KCNC3: variants seen among roughly 807,000 people sequenced by gnomAD.
The protein encoded by KCNC3 is voltage-gated potassium channel KCNC3.
In KCNC3, 22 loss-of-function variants were observed where a neutral mutation model predicts 43.9. The ratio of observed to expected loss-of-function variants is 0.50; its 90% CI spans 0.36 to 0.72. KCNC3 has a LOEUF of 0.72. KCNC3 is among the 30% of genes least tolerant of loss of function. The pLI is 0.00. For missense variants in KCNC3, 829 were observed against 1,073.8 expected, an observed-to-expected ratio of 0.77 and a Z score of 3.19; for synonymous variants, 492 against 488.0, an observed-to-expected ratio of 1.01 and a Z score of -0.11.
Position 50,323,201 on chromosome 19 carries a change from CG to C in KCNC3, c.1751del (p.Pro584ArgfsTer24), listed in dbSNP as rs2037057811. On this transcript the variant is annotated frameshift_variant, in exon 2 of 5. Coordinates refer to ENST00000477616, the MANE Select transcript of KCNC3 (RefSeq NM_004977.3). LOFTEE classifies it high-confidence loss of function. ...YCKPDPPPPP[P>X]PHPHHGSGGI... ...CCCCGCTGCCGTGGTGCGGGTGGGGCGGGGGTGGCGGGGGTGGGTCAGGCTT... is the reference window on the plus strand; with the variant it reads ...CCCCGCTGCCGTGGTGCGGGTGGGGCGGGGTGGCGGGGGTGGGTCAGGCTT... 7.5e-6 allele frequency: 7 copies of C among 938,712 alleles called. No individual in the cohort carries two copies. The East Asian group carries it at 1.9e-4, about 26-fold the overall frequency. The allele number at this position is 938,712 out of a possible 1,614,324, so 58.1% of individuals were successfully genotyped here. A position where few individuals can be genotyped will look rare whatever the true frequency, so the allele number is the denominator to read the frequency against.
chr19:50,320,733 C>T lies in KCNC3; in HGVS notation c.2030G>A (p.Cys677Tyr). The T allele has an allele frequency of 6.2e-7, 1 of 1,613,926 alleles. No individual in the cohort carries two copies. Among genetic ancestry groups the T allele is most frequent in the Non-Finnish European group, 8.5e-7 (1 of 1,179,958 alleles). The change falls in exon 3 of 5, where the codon TGC becomes TAC. Residue 677 changes from cysteine to tyrosine, a missense_variant. Physicochemically the swap from Cys to Tyr is radical, Grantham distance 194 (BLOSUM62 -2). Transcript: ENST00000477616. ...CATGGCAGGCTGGTCAATGGCTGGGCAGTCCTCGTGGGCAAGCGCAGCTGC... is the reference window on the plus strand; with the variant it reads ...CATGGCAGGCTGGTCAATGGCTGGGTAGTCCTCGTGGGCAAGCGCAGCTGC... ...PAAAALAHED[C>Y]PAIDQPAMSP...
At chr19:50,322,869 A>G in intron 2 of KCNC3, 106 bp downstream of exon 2, 1 of 1,203,288 alleles carries the variant, frequency 8.3e-7, no homozygotes. Context: ...TTTCTCCCTC[A>G]CCTCTTCGAC....
In KCNC3 at chr19:50,315,354, C is replaced by CA. The variant is rs1485043720; in HGVS notation, c.*760dup. 5.3e-5 allele frequency among the ~76,000 whole-genome samples: 8 copies of CA among 151,832 alleles called. No individual in the cohort carries two copies. The highest frequency in any genetic ancestry group is 1.7e-4 in the African/African-American group (7 of 41,326). Reference sequence around the variant, plus strand: ...CACCGAGCCTCCCCCGCCCCATTCCCACCACAGTCCACCGCCCTTCCCCCC... The same window carrying CA: ...CACCGAGCCTCCCCCGCCCCATTCCCAACCACAGTCCACCGCCCTTCCCCCC... On this transcript the variant is annotated 3_prime_UTR_variant, in exon 5 of 5. Transcript: ENST00000477616.
rs2037140787 is a variant in KCNC3, at chr19:50,328,827, CGCCACCGCCGCCGCCGTGCCGCCCCATG to C, written c.228_255del (p.Met77ThrfsTer6). ...ACGTTGATCACGATCTTGCCGCTGT[CGCCACCGCCGCCGCCGTGCCGCCCCATG>C]GCCGCCGCCGGCAGCCCGGGGCATG... On this transcript the variant is annotated frameshift_variant, in exon 1 of 5. Transcript: ENST00000477616. LOFTEE classifies it high-confidence loss of function. 1 of 1,495,038 alleles carries C rather than the reference CGCCACCGCCGCCGCCGTGCCGCCCCATG, an allele frequency of 6.7e-7. No homozygotes were observed. 92.6% of individuals were successfully genotyped at this position (1,495,038 alleles called of 1,614,324 possible).
Position 50,313,156 on chromosome 19 carries a change from A to T in KCNC3, c.*2959T>A, listed in dbSNP as rs1189530045. 1 of 151,900 alleles carries T rather than the reference A, an allele frequency of 6.6e-6. No homozygotes were observed. The highest frequency in any genetic ancestry group is 1.9e-4 in the East Asian group (1 of 5,152). The allele number at this position is 151,900 out of a possible 1,614,324, so 9.4% of individuals were successfully genotyped here. A position where few individuals can be genotyped will look rare whatever the true frequency, so the allele number is the denominator to read the frequency against. ...GCTTGGGGGAGGTAGCGCATCCTTGAGCCAGGATAGGAGGTGGGAAATGAT... is the reference window on the plus strand; with the variant it reads ...GCTTGGGGGAGGTAGCGCATCCTTGTGCCAGGATAGGAGGTGGGAAATGAT... On this transcript the variant is annotated 3_prime_UTR_variant, in exon 5 of 5. Coordinates refer to ENST00000477616, the MANE Select transcript of KCNC3 (RefSeq NM_004977.3).
At chr19:50,329,515 C>A (rs2037157780), upstream of KCNC3, 1 of 150,540 alleles carries the variant, frequency 6.6e-6, no homozygotes, top group Non-Finnish European at 1.5e-5. Context: ...TTTAAAGACG[C>A]CCGACTGGCC....
At chr19:50,316,615 A>G (rs956119927) in intron 4 of KCNC3, among the ~76,000 whole-genome samples, 2 of 152,152 alleles carry the variant, frequency 1.3e-5, no homozygotes, top group South Asian at 2.1e-4. Flanking sequence ...AGGCACCTGT[A>G]ATTCCAGCTA....
intron 2 of KCNC3, among the ~76,000 whole-genome samples, chr19:50,321,517 C>T (rs2037033748): frequency 6.6e-6 from 1 of 152,108 alleles, no homozygotes; most frequent in Admixed American, 6.6e-5. Flanking sequence ...CGCCTGTAAT[C>T]CCAGCACTTT....
chr19:50,315,824 G>T lies in KCNC3; in HGVS notation c.*291C>A. ...GCATCTCACAGCTAATGGGACTCAA[G>T]ATCCAGCAACAGTGTGTGTGGTTTC... is the stretch of plus-strand genomic sequence containing the variant. On this transcript the variant is annotated 3_prime_UTR_variant, in exon 5 of 5. Coordinates refer to ENST00000477616, the MANE Select transcript of KCNC3 (RefSeq NM_004977.3). 1 of 257,590 alleles carries T rather than the reference G, an allele frequency of 3.9e-6. No individual in the cohort carries two copies. The highest frequency in any genetic ancestry group is 7.8e-6 in the Non-Finnish European group (1 of 128,596). The allele number at this position is 257,590 out of a possible 1,614,324, so 16.0% of individuals were successfully genotyped here.
Position 50,328,942 on chromosome 19 carries a change from G to T in KCNC3, c.141C>A (p.Gly47=). The change falls in exon 1 of 5, where the codon GGC becomes GGA. Residue 47 remains glycine (G), a synonymous_variant. Coordinates refer to ENST00000477616, the MANE Select transcript of KCNC3 (RefSeq NM_004977.3). ...GGGGGCCCGCCGGGGACGCGGCGGG[G>T]CCGGGCTGCGCAGGCTGCTGCTGCT... ...PPQQQQPAQP[G]PAASPAGPPA... is the part of the protein sequence containing the mutation. The T allele has an allele frequency of 1.2e-6, 1 of 832,008 alleles. No homozygotes were observed. The highest frequency in any genetic ancestry group is 1.5e-6 in the Non-Finnish European group (1 of 687,958). The allele number at this position is 832,008 out of a possible 1,614,324, so 51.5% of individuals were successfully genotyped here.
chr19:50,321,668 G>A (rs1213953955), intron 2 of KCNC3, among the ~76,000 whole-genome samples: 1 of 152,140 alleles, frequency 6.6e-6, no homozygotes, highest in African/African-American at 2.4e-5. Flanking sequence ...TACTCCGGAG[G>A]CTGAGGTAGG....
chr19:50,331,297 TTCTC>T (rs1465295900), upstream of KCNC3, among the ~76,000 whole-genome samples: 1 of 111,920 alleles, frequency 8.9e-6, no homozygotes, highest in Admixed American at 8.7e-5. Context: ...CCGAGTCTCT[TTCTC>T]TTGGTTTCTG....
At position 50,320,602 on chromosome 19, in the gene KCNC3, T is replaced by G; in HGVS notation, c.2161A>C (p.Ile721Leu). The part of the protein sequence containing the change: ...TDYAPSPDGS[I>L]RKATGAPPLP... The stretch of plus-strand genomic sequence containing the variant: ...AGGGGGGGCACCTCACCTTTTCGGA[T>G]GGAGCCATCAGGGGAAGGGGCATAG... The change falls in exon 3 of 5, where the codon ATC becomes CTC. Residue 721 changes from isoleucine to leucine, a missense_variant. This residue lies in a region of KCNC3 where 308 missense variants were observed against 276.2 expected (regional missense o/e 1.11). Coordinates refer to ENST00000477616, the MANE Select transcript of KCNC3 (RefSeq NM_004977.3). 1 of 1,611,592 alleles carries G rather than the reference T, an allele frequency of 6.2e-7. No homozygotes were observed. Among genetic ancestry groups the G allele is most frequent in the Non-Finnish European group, 8.5e-7 (1 of 1,179,494 alleles).
chr19:50,328,320 C>A lies in KCNC3; in HGVS notation c.763G>T (p.Gly255Trp). 8.8e-7 allele frequency: 1 copy of A among 1,131,508 alleles called. No homozygotes were observed. Among genetic ancestry groups the A allele is most frequent in the Non-Finnish European group, 1.1e-6 (1 of 927,240 alleles). 70.1% of individuals were successfully genotyped at this position (1,131,508 alleles called of 1,614,324 possible). Residue 255 changes from glycine to tryptophan, a missense_variant, in exon 1 of 5, where the codon GGG becomes TGG. Gly to Trp is a radical substitution (Grantham distance 184). This residue lies in a region of KCNC3 where 60 missense variants were observed against 56.0 expected (regional missense o/e 1.07). Transcript: ENST00000477616. The part of the protein sequence containing the change: ...LCFQDAGGGA[G>W]GPPGGAGGAG... Reference sequence around the variant, plus strand: ...CCGCCCGCGCCCCCTGGCGGCCCCCCGGCGCCGCCGCCCGCGTCCTGGAAG... The same window carrying A: ...CCGCCCGCGCCCCCTGGCGGCCCCCAGGCGCCGCCGCCCGCGTCCTGGAAG...
upstream of KCNC3, among the ~76,000 whole-genome samples, chr19:50,331,393 C>G (rs1267977688): frequency 1.3e-5 from 2 of 151,870 alleles, no homozygotes; most frequent in Non-Finnish European, 2.9e-5. Context: ...CCTCTACTCC[C>G]TCCCCGCAAC....
At chr19:50,332,326 T>C (rs771044897), upstream of KCNC3, among the ~76,000 whole-genome samples, 1 of 152,124 alleles carries the variant, frequency 6.6e-6, no homozygotes, top group Non-Finnish European at 1.5e-5. This position sits in a 1 kb window ranked among gnomAD's most constrained non-coding sequence, Gnocchi z 5.8. Context: ...ATCAAGTGGC[T>C]AAATCAGCGT....
intron 2 of KCNC3, among the ~76,000 whole-genome samples, chr19:50,321,949 C>G (rs548579106): frequency 2.0e-5 from 3 of 151,736 alleles, no homozygotes; most frequent in Non-Finnish European, 2.9e-5. Context: ...AGTGGCTGTT[C>G]AGGGAAGAGT....
chr19:50,331,805 CTCTT>C (rs1173203277), upstream of KCNC3, among the ~76,000 whole-genome samples: 2 of 152,066 alleles, frequency 1.3e-5, no homozygotes, highest in Non-Finnish European at 2.9e-5. Context: ...CTGGGTCTCT[CTCTT>C]TCTAGGTCTC....
chr19:50,320,833 C>T (rs762293609), intron 2 of KCNC3, 49 bp from the exon 3 acceptor site: 33 of 1,573,760 alleles, frequency 2.1e-5, no homozygotes, highest in South Asian at 1.2e-4. Flanking sequence ...GAGTGAGGTG[C>T]GGTGAACACG....
Sources: allele counts gnomAD v4.1 joint callset (sites outside exome capture counted in the v4.1 genomes callset), GRCh38; gene constraint gnomAD v4.1.1; regional missense constraint gnomAD v4.1.1; non-coding constraint Gnocchi (gnomAD v3.1); transcripts MANE v1.5; gene names NCBI Gene and HGNC (gene_info 2026-07-23, HGNC 2026-07-21).